Variants in LRRC8B observed in about 807,000 individuals in gnomAD.
LRRC8B encodes the protein leucine rich repeat containing 8 VRAC subunit B, also known as volume-regulated anion channel subunit LRRC8B.
Under a neutral mutation model 58.8 loss-of-function variants are expected in LRRC8B, and 23 were observed. The ratio of observed to expected loss-of-function variants is 0.39; its 90% CI spans 0.28 to 0.55. LRRC8B has a LOEUF of 0.55. Among genes scored for constraint, LRRC8B ranks in the 20% least tolerant of loss-of-function variants. The pLI, the probability that LRRC8B is intolerant of heterozygous loss-of-function variation, is 0.62. For synonymous variants in LRRC8B, 359 were observed against 374.1 expected (o/e 0.96, Z 0.47); for missense variants, 694 against 936.0 (o/e 0.74, Z 3.37).
rs748249713 is a variant in LRRC8B at position 89,592,930 on chromosome 1, C to G, written c.2299C>G (p.Leu767Val). The change falls in exon 6 of 6, where the codon CTA (leucine) becomes GTA (valine). Residue 767 changes from leucine to valine, a missense_variant. Around this residue, in one of 5 missense-constraint regions of LRRC8B, gnomAD observed 139 missense variants for 158.2 expected, o/e 0.88. Transcript: ENST00000330947. ...TTACCTGGAAACACTTCCTCCTGAA[C>G]TAGAAGGATGTCAGTCCCTAAAACG... ...GNYLETLPPE[L>V]EGCQSLKRNC... is the part of the protein sequence containing the mutation. 7 of 1,613,934 alleles carry G rather than the reference C, an allele frequency of 4.3e-6. No homozygotes were observed. The East Asian group carries it at 1.6e-4, about 36-fold the overall frequency.
chr1:89,546,154 A>T (rs1308288959), intron 1 of LRRC8B, among the ~76,000 whole-genome samples: 2 of 152,168 alleles, frequency 1.3e-5, no homozygotes, highest in Non-Finnish European at 2.9e-5. Context: ...GTTCAAAGGC[A>T]TAGTAGGAAG....
rs528725058 is a variant in LRRC8B at position 89,548,337 on chromosome 1, A to G, written c.-240-19910A>G. On this transcript the variant is annotated intron_variant, in intron 1 of 5. Transcript: ENST00000330947. ...TGGATTTGATTATGCAATAATGCATACAAACTAAATCCAGTTGACATGGAA... is the reference window on the plus strand; with the variant it reads ...TGGATTTGATTATGCAATAATGCATGCAAACTAAATCCAGTTGACATGGAA... Among the ~76,000 whole-genome samples the G allele has an allele frequency of 5.3e-5, 8 of 152,202 alleles. No individual in the cohort carries two copies. The South Asian group carries it at 8.3e-4, about 16-fold the overall frequency.
At chr1:89,578,826 A>G (rs891625397) in intron 3 of LRRC8B, among the ~76,000 whole-genome samples, 5 of 152,178 alleles carry the variant, frequency 3.3e-5, no homozygotes, top group Admixed American at 3.3e-4. Flanking sequence ...CAATTTTCTC[A>G]CAGTTCAAAT....
chr1:89,551,930 A>T (rs1651850891), intron 1 of LRRC8B, among the ~76,000 whole-genome samples: 1 of 152,156 alleles, frequency 6.6e-6, no homozygotes, highest in Non-Finnish European at 1.5e-5. Context: ...TTTGATTATT[A>T]TATATATTTA....
rs775424461 is a variant in LRRC8B, at chr1:89,583,258, A to G, written c.608A>G (p.Lys203Arg). Residue 203 changes from lysine to arginine, a missense_variant, in exon 5 of 6, where the codon AAA (lysine) becomes AGA (arginine). Physicochemically the swap from Lys to Arg is conservative, Grantham distance 26 (BLOSUM62 2). Around this residue, in one of 5 missense-constraint regions of LRRC8B, gnomAD observed 316 missense variants for 403.8 expected, o/e 0.78. Transcript: ENST00000330947. The surrounding 1 kb of genome is among the most constrained non-coding windows in gnomAD (Gnocchi z 5.2). ...SGCSADIDSG[K>R]QSLPYPQPGL... ...TGTTCAGCTGACATAGATTCCGGCA[A>G]ACAGTCATTGCCCTACCCACAGCCA... 2 of 1,614,218 alleles carry G rather than the reference A, an allele frequency of 1.2e-6. No individual in the cohort carries two copies. The highest frequency in any genetic ancestry group is 1.7e-6 in the Non-Finnish European group (2 of 1,180,032).
chr1:89,584,831 C>A, intron 5 of LRRC8B, 42 bp downstream of exon 5: 1 of 1,344,720 alleles, frequency 7.4e-7, no homozygotes. Context: ...ATCTGCCGTA[C>A]TTATAGTGCA....
At chr1:89,579,348 T>G (rs1056183751) in intron 3 of LRRC8B, among the ~76,000 whole-genome samples, 1 of 152,200 alleles carries the variant, frequency 6.6e-6, no homozygotes, top group African/African-American at 2.4e-5. Context: ...GATACACCTT[T>G]GCCAGAATGT....
intron 1 of LRRC8B, among the ~76,000 whole-genome samples, chr1:89,549,041 T>C (rs1651618807): frequency 6.6e-6 from 1 of 152,190 alleles, no homozygotes; most frequent in Non-Finnish European, 1.5e-5. Flanking sequence ...CAAAAACTAT[T>C]TACTGAGCCC....
Position 89,595,423 on chromosome 1 carries a change from A to G in LRRC8B, c.*2380A>G, listed in dbSNP as rs1040111868. 2.0e-5 allele frequency: 3 copies of G among 152,126 alleles called. No homozygotes were observed. The highest frequency in any genetic ancestry group is 4.4e-5 in the Non-Finnish European group (3 of 67,974). The allele number at this position is 152,126 out of a possible 1,614,324, so 9.4% of individuals were successfully genotyped here. ...GTTTTTGGCCACATAACTAGCTAGA[A>G]TTTCAAAACAAAATTCAGATTTGCT... On this transcript the variant is annotated 3_prime_UTR_variant, in exon 6 of 6. Coordinates refer to ENST00000330947, the MANE Select transcript of LRRC8B (RefSeq NM_001369817.2).
chr1:89,582,819 C>T lies in LRRC8B; in HGVS notation c.169C>T (p.Pro57Ser), dbSNP rs1654330324. 1 of 1,614,104 alleles carries T rather than the reference C, an allele frequency of 6.2e-7. No individual in the cohort carries two copies. Reference sequence around the variant, plus strand: ...GCAGAGCAGGGTTCTGTGCTGTCTTCCATGCAAAGTGGAATTTGACAATCA... The same window carrying T: ...GCAGAGCAGGGTTCTGTGCTGTCTTTCATGCAAAGTGGAATTTGACAATCA... Reference protein sequence around the residue: ...LTQSRVLCCLPCKVEFDNHCA... With the variant: ...LTQSRVLCCLSCKVEFDNHCA... Residue 57 changes from proline to serine, a missense_variant, in exon 5 of 6, where the codon CCA becomes TCA. Around this residue, in one of 5 missense-constraint regions of LRRC8B, gnomAD observed 316 missense variants for 403.8 expected, o/e 0.78. Coordinates refer to ENST00000330947, the MANE Select transcript of LRRC8B (RefSeq NM_001369817.2).
chr1:89,528,039 A>G (rs1373433903), intron 1 of LRRC8B, among the ~76,000 whole-genome samples: 1 of 152,108 alleles, frequency 6.6e-6, no homozygotes, highest in Non-Finnish European at 1.5e-5. Flanking sequence ...GCTGCTTTTG[A>G]TATGGGTCAT....
In LRRC8B at chr1:89,592,897, A is replaced by C; in HGVS notation, c.2266A>C (p.Ile756Leu). Residue 756 changes from isoleucine (I) to leucine (L), a missense_variant, in exon 6 of 6, where the codon ATT (isoleucine) becomes CTT (leucine). Physicochemically the swap from Ile to Leu is conservative, Grantham distance 5 (BLOSUM62 2). This residue lies in a region of LRRC8B where 139 missense variants were observed against 158.2 expected (regional missense o/e 0.88). Transcript: ENST00000330947. Reference protein sequence around the residue: ...ELSNLTHLELIGNYLETLPPE... With the variant: ...ELSNLTHLELLGNYLETLPPE... ...GTCAAACCTTACTCATCTGGAGCTC[A>C]TTGGTAATTACCTGGAAACACTTCC... The C allele has an allele frequency of 6.2e-7, 1 of 1,614,110 alleles. No individual in the cohort carries two copies.
At chr1:89,564,967 G>GT (rs762529564) in intron 1 of LRRC8B, among the ~76,000 whole-genome samples, 1 of 152,174 alleles carries the variant, frequency 6.6e-6, no homozygotes, top group African/African-American at 2.4e-5. Flanking sequence ...TTAAGAGTGT[G>GT]TTATAGCAGA....
At chr1:89,543,261 T>C (rs993792275) in intron 1 of LRRC8B, among the ~76,000 whole-genome samples, 1 of 152,188 alleles carries the variant, frequency 6.6e-6, no homozygotes, top group Admixed American at 6.5e-5. Context: ...GACTATAACC[T>C]TGAAAAGTCT....
chr1:89,551,413 C>A (rs1025357849), intron 1 of LRRC8B, among the ~76,000 whole-genome samples: 5 of 152,124 alleles, frequency 3.3e-5, no homozygotes, highest in Non-Finnish European at 5.9e-5. Flanking sequence ...GAAAAAAATG[C>A]TCCATAAACT....
chr1:89,574,936 T>C (rs1653733990), intron 3 of LRRC8B, among the ~76,000 whole-genome samples: 1 of 152,204 alleles, frequency 6.6e-6, no homozygotes, highest in African/African-American at 2.4e-5. Flanking sequence ...AGGCAGTGCC[T>C]CATAGAACCT....
At chr1:89,545,909 A>G (rs542081216) in intron 1 of LRRC8B, among the ~76,000 whole-genome samples, 5 of 152,316 alleles carry the variant, frequency 3.3e-5, no homozygotes, top group Admixed American at 1.3e-4. Context: ...CAGTACTGAA[A>G]TCATTGCGGA....
intron 1 of LRRC8B, among the ~76,000 whole-genome samples, chr1:89,534,745 C>G (rs561614854): frequency 7.9e-4 from 120 of 152,248 alleles, no homozygotes; most frequent in African/African-American, 2.8e-3. Flanking sequence ...CAGTATAATT[C>G]CATTCTATCT....
At position 89,580,164 on chromosome 1, in the gene LRRC8B, C is replaced by T. The variant is rs6680007; in HGVS notation, c.-27+476C>T. 5.4e-3 allele frequency among the ~76,000 whole-genome samples: 823 copies of T among 152,308 alleles called. 11 individuals are homozygous for T. Among genetic ancestry groups the T allele is most frequent in the African/African-American group, 0.019 (782 of 41,564 alleles). On this transcript the variant is annotated intron_variant, in intron 4 of 5. Coordinates refer to ENST00000330947, the MANE Select transcript of LRRC8B (RefSeq NM_001369817.2). ...GCGCAAAAATGTAAAGATAAATTCT[C>T]GGGCTCACCTAGTCATCTATTATTT...
Sources: gnomAD v4.1 joint callset for allele counts (sites outside exome capture counted in the v4.1 genomes callset) on GRCh38, gnomAD v4.1.1 for gene constraint, gnomAD v4.1.1 regional missense constraint, Gnocchi (gnomAD v3.1) non-coding constraint, MANE v1.5 for transcripts, NCBI Gene and HGNC (gene_info 2026-07-23, HGNC 2026-07-21) for gene names.